The following FAM222B variants were observed in gnomAD, a reference collection of about 807,000 sequenced individuals.
The protein encoded by FAM222B is protein FAM222B.
Under a neutral mutation model 38.0 loss-of-function variants are expected in FAM222B, and 12 were observed. That is an observed-to-expected ratio of 0.32 (90% confidence interval 0.20 to 0.51). The LOEUF (loss-of-function observed/expected upper bound fraction) is 0.51, where lower values mean the gene tolerates loss of function less well. FAM222B is among the 20% of genes least tolerant of loss of function. The pLI, the probability that FAM222B is intolerant of heterozygous loss-of-function variation, is 0.97. For synonymous variants in FAM222B, 329 were observed against 317.2 expected, an observed-to-expected ratio of 1.04 and a Z score of -0.40; for missense variants, 716 against 754.2, an observed-to-expected ratio of 0.95 and a Z score of 0.59.
At chr17:28,761,010 TCTTTCAGTC>T (rs1410853757) in intron 2 of FAM222B, among the ~76,000 whole-genome samples, 1 of 152,226 alleles carries the variant, frequency 6.6e-6, no homozygotes, top group African/African-American at 2.4e-5. Context: ...ATTCAGAGCA[TCTTTCAGTC>T]CTTTCAGTCC....
chr17:28,797,660 G>A (rs1161203302), intron 1 of FAM222B, among the ~76,000 whole-genome samples: 1 of 152,146 alleles, frequency 6.6e-6, no homozygotes, highest in African/African-American at 2.4e-5. Context: ...TTTGTAGGGA[G>A]TTTTACAATT....
In FAM222B at chr17:28,759,610, C is replaced by A; in HGVS notation, c.349G>T (p.Asp117Tyr). The A allele has an allele frequency of 6.2e-7, 1 of 1,612,858 alleles. No individual in the cohort carries two copies. The highest frequency in any genetic ancestry group is 2.2e-5 in the East Asian group (1 of 44,840). ...GGGAGCAACCGGGCTCGGGTGCCGTCAAAGTCCTTGAGTATGCTTTTGGCT... is the reference window on the plus strand; with the variant it reads ...GGGAGCAACCGGGCTCGGGTGCCGTAAAAGTCCTTGAGTATGCTTTTGGCT... ...VPAKSILKDFDGTRARLLPEA... is the reference protein window; with the variant it reads ...VPAKSILKDFYGTRARLLPEA... Residue 117 changes from aspartate to tyrosine, a missense_variant, in exon 3 of 3, where the codon GAC becomes TAC. Physicochemically the swap from Asp to Tyr is radical, Grantham distance 160. Coordinates refer to ENST00000581407, the MANE Select transcript of FAM222B (RefSeq NM_001077498.3). The surrounding 1 kb of genome is among the most constrained non-coding windows in gnomAD (Gnocchi z 4.8).
upstream of FAM222B, among the ~76,000 whole-genome samples, chr17:28,845,366 A>G (rs1598068229): frequency 6.6e-6 from 1 of 151,122 alleles, no homozygotes; most frequent in African/African-American, 2.4e-5. Context: ...GTGCCACTGC[A>G]CTCCAGCCTG....
chr17:28,778,081 G>A (rs1414343240), intron 1 of FAM222B, among the ~76,000 whole-genome samples: 3 of 146,172 alleles, frequency 2.1e-5, no homozygotes, highest in Non-Finnish European at 4.5e-5. Context: ...TGGCCTCTGT[G>A]TTTTTGCTTT....
intron 2 of FAM222B, among the ~76,000 whole-genome samples, chr17:28,764,271 CAAAAAAAAAA>C (rs35314377): frequency 4.6e-5 from 2 of 43,844 alleles, no homozygotes; most frequent in Non-Finnish European, 9.4e-5. Flanking sequence ...GACTCCATCT[CAAAAAAAAAA>C]AAAAAAAAAA....
In FAM222B at chr17:28,820,955, TA is replaced by T. The variant is rs199713761; in HGVS notation, c.-41+21726del. On this transcript the variant is annotated intron_variant, in intron 1 of 2. Coordinates refer to ENST00000581407, the MANE Select transcript of FAM222B (RefSeq NM_001077498.3). ...GCACCCAGTCTGGTAAAACTCTTTT[TA>T]TTTTATTTTTTTTTTTTTGAGATGG... 4.0e-4 allele frequency among the ~76,000 whole-genome samples: 60 copies of T among 149,016 alleles called. 4 individuals are homozygous for T. The highest frequency in any genetic ancestry group is 1.2e-3 in the Admixed American group (18 of 14,878).
At chr17:28,776,335 C>G (rs1226982733) in intron 1 of FAM222B, among the ~76,000 whole-genome samples, 3 of 138,204 alleles carry the variant, frequency 2.2e-5, no homozygotes, top group Admixed American at 7.5e-5. Flanking sequence ...GAGATCACGC[C>G]ACTGCACTCC....
Position 28,759,925 on chromosome 17 carries a change from C to A in FAM222B, c.83-49G>T. 1 of 1,476,846 alleles carries A rather than the reference C, an allele frequency of 6.8e-7. No homozygotes were observed. The highest frequency in any genetic ancestry group is 9.0e-7 in the Non-Finnish European group (1 of 1,106,866). 91.5% of individuals were successfully genotyped at this position (1,476,846 alleles called of 1,614,324 possible). A position where few individuals can be genotyped will look rare whatever the true frequency, so the allele number is the denominator to read the frequency against. On this transcript the variant is annotated intron_variant, in intron 2 of 2. Transcript: ENST00000581407. The surrounding 1 kb of genome is among the most constrained non-coding windows in gnomAD (Gnocchi z 4.8). ...GAGCAAAGAGGGAGAGGGAGCTCAT[C>A]AGTGCCAAGGCAAACAGCCCTTCCA...
chr17:28,824,834 G>T (rs59461345), intron 1 of FAM222B, among the ~76,000 whole-genome samples: 28,698 of 152,028 alleles, frequency 0.19, 2,846 homozygotes, highest in South Asian at 0.3. Flanking sequence ...GATTGCAATG[G>T]CATGATCTCA....
chr17:28,836,499 G>A (rs2152622822), intron 1 of FAM222B, among the ~76,000 whole-genome samples: 1 of 152,058 alleles, frequency 6.6e-6, no homozygotes, highest in South Asian at 2.1e-4. Flanking sequence ...GGGAGCTTCG[G>A]CAAGACTCAC....
intron 1 of FAM222B, among the ~76,000 whole-genome samples, chr17:28,807,462 T>C (rs1321398393): frequency 6.6e-6 from 1 of 152,182 alleles, no homozygotes; most frequent in African/African-American, 2.4e-5. Flanking sequence ...CTCAGCTCAC[T>C]GCAACCCCCA....
At chr17:28,780,924 A>G (rs2036141831) in intron 1 of FAM222B, among the ~76,000 whole-genome samples, 1 of 152,042 alleles carries the variant, frequency 6.6e-6, no homozygotes, top group Non-Finnish European at 1.5e-5. Context: ...TTCAGAGACA[A>G]TCTACAGGGA....
At chr17:28,802,282 G>T (rs769673497) in intron 1 of FAM222B, among the ~76,000 whole-genome samples, 2 of 152,000 alleles carry the variant, frequency 1.3e-5, no homozygotes, top group African/African-American at 2.4e-5. Context: ...ATTTTTAGTA[G>T]AGATAAGGTT....
upstream of FAM222B, among the ~76,000 whole-genome samples, chr17:28,846,579 G>A (rs997167657): frequency 6.6e-6 from 1 of 151,802 alleles, no homozygotes; most frequent in Non-Finnish European, 1.5e-5. Flanking sequence ...TGAAGAGCGA[G>A]GATTGCTTGG....
chr17:28,758,352 T>C lies in FAM222B; in HGVS notation c.1607A>G (p.Lys536Arg). ...FREQSLAMLS[K>R]AHRAPGNRAP... ...TCGGTTGCCAGGGGCTCGGTGGGCC[T>C]TGCTCAGCATGGCCAGGCTCTGTTC... Residue 536 changes from lysine (K) to arginine (R), a missense_variant, in exon 3 of 3, where the codon AAG becomes AGG. By Grantham distance (26) the Lys-to-Arg change is conservative. Coordinates refer to ENST00000581407, the MANE Select transcript of FAM222B (RefSeq NM_001077498.3). 1 of 1,613,374 alleles carries C rather than the reference T, an allele frequency of 6.2e-7. No homozygotes were observed. Among genetic ancestry groups the C allele is most frequent in the South Asian group, 1.1e-5 (1 of 91,032 alleles).
upstream of FAM222B, among the ~76,000 whole-genome samples, chr17:28,844,307 G>T (rs888778684): frequency 7.2e-5 from 11 of 152,160 alleles, no homozygotes; most frequent in East Asian, 1.4e-3. Context: ...AAGATACAAC[G>T]TAAGGGGGAA....
intron 1 of FAM222B, among the ~76,000 whole-genome samples, chr17:28,792,261 G>A (rs1053217908): frequency 3.4e-5 from 5 of 147,064 alleles, no homozygotes; most frequent in Admixed American, 2.1e-4. Context: ...GCAGTGAGCC[G>A]AGATTGCGCC....
Position 28,757,998 on chromosome 17 carries a change from A to C in FAM222B, c.*272T>G. 1.1e-4 allele frequency: 34 copies of C among 319,054 alleles called. No homozygotes were observed. The highest frequency in any genetic ancestry group is 2.9e-4 in the East Asian group (5 of 17,536). The allele number at this position is 319,054 out of a possible 1,614,324, so 19.8% of individuals were successfully genotyped here. On this transcript the variant is annotated 3_prime_UTR_variant, in exon 3 of 3. Coordinates refer to ENST00000581407, the MANE Select transcript of FAM222B (RefSeq NM_001077498.3). The stretch of plus-strand genomic sequence containing the variant: ...AAAAGATGGGTGGGAGCTGGCTGGA[A>C]ATGGCCAAGGTGGAGAGACTAGCTG...
At chr17:28,776,452 C>CTTTTTT (rs397857136) in intron 1 of FAM222B, among the ~76,000 whole-genome samples, 2 of 90,972 alleles carry the variant, frequency 2.2e-5, no homozygotes, top group Admixed American at 1.3e-4. Context: ...CCTAAAAAGA[C>CTTTTTT]TTTTTTTTTT....
Sources: allele counts gnomAD v4.1 joint callset (sites outside exome capture counted in the v4.1 genomes callset), GRCh38; gene constraint gnomAD v4.1.1; non-coding constraint Gnocchi (gnomAD v3.1); transcripts MANE v1.5; gene names NCBI Gene and HGNC (gene_info 2026-07-23, HGNC 2026-07-21).